Variants in NOBOX observed in about 807,000 individuals in gnomAD.
The protein encoded by NOBOX is homeobox protein NOBOX.
A neutral mutation model predicts 60.2 loss-of-function variants in NOBOX; 46 were observed. The observed-to-expected ratio is 0.76, with a 90% CI of 0.60 to 0.98. NOBOX has a LOEUF of 0.98. Ranked by LOEUF, NOBOX falls within the 50% of genes least tolerant of loss-of-function variation. NOBOX has a pLI of 0.00. For synonymous variants in NOBOX, 360 were observed against 346.3 expected, an observed-to-expected ratio of 1.04 and a Z score of -0.44; for missense variants, 880 against 865.5, an observed-to-expected ratio of 1.02 and a Z score of -0.21.
intron 8 of NOBOX, 40 bp from the exon 7 acceptor site, chr7:144,398,626 G>A (rs1433156645): frequency 2.8e-6 from 4 of 1,418,000 alleles, no homozygotes; most frequent in Admixed American, 3.9e-5. Context: ...TGCAGGGGTG[G>A]GGGAGCTCCC....
chr7:144,409,717 A>T (rs2054009058), intron 1 of NOBOX, among the ~76,000 whole-genome samples: 1 of 152,242 alleles, frequency 6.6e-6, no homozygotes, highest in African/African-American at 2.4e-5. Flanking sequence ...TAAAAAATAA[A>T]AACCTCTTCC....
chr7:144,397,420 G>A lies in NOBOX; in HGVS notation c.1896C>T (p.Pro632=), dbSNP rs1179791742. 3 of 1,537,252 alleles carry A rather than the reference G, an allele frequency of 2.0e-6. No individual in the cohort carries two copies. In the East Asian group the frequency reaches 7.3e-5, roughly 38 times the overall value. ...GCTGCCTGCCCAGAGCCTGGGGGCA[G>A]GGAGTTGGAAATAGATCAGGAAAGT... The change falls in exon 10 of 10, where the codon CCC becomes CCT. Residue 632 remains proline (P), a synonymous_variant. Transcript: ENST00000467773.
rs1587092663 is a variant in NOBOX at position 144,401,658 on chromosome 7, G to C, written c.293-61C>G. On this transcript the variant is annotated intron_variant, in intron 3 of 9. Transcript: ENST00000467773. The surrounding 1 kb of genome is among the most constrained non-coding windows in gnomAD (Gnocchi z 4.2). ...GGGAGAAGGAAGAACTGGACCAAGA[G>C]GAAGTGCTGCTTCCTGCTTTGCAAA... 2.1e-6 allele frequency: 3 copies of C among 1,457,432 alleles called. No homozygotes were observed. The highest frequency in any genetic ancestry group is 2.7e-6 in the Non-Finnish European group (3 of 1,098,040). 90.3% of individuals were successfully genotyped at this position (1,457,432 alleles called of 1,614,324 possible). A position where few individuals can be genotyped will look rare whatever the true frequency, so the allele number is the denominator to read the frequency against.
chr7:144,403,048 C>T (rs1034989456), intron 2 of NOBOX, among the ~76,000 whole-genome samples: 3 of 152,094 alleles, frequency 2.0e-5, no homozygotes, highest in Admixed American at 6.5e-5. Context: ...TGAGCCACTG[C>T]GCCTGACCCT....
rs923573920 is a variant in NOBOX at position 144,397,267 on chromosome 7, C to G, written c.2049G>C (p.Gly683=). Residue 683 remains glycine (G), a synonymous_variant, in exon 10 of 10, where the codon GGG becomes GGC. Transcript: ENST00000467773. ...AGGGGACATGGCTATTCTTGTCATC[C>G]CCTCTGGCCTCCTCCAGTGCTGAGG... 9 of 1,533,606 alleles carry G rather than the reference C, an allele frequency of 5.9e-6. No individual in the cohort carries two copies. Among genetic ancestry groups the G allele is most frequent in the African/African-American group, 5.5e-5 (4 of 72,964 alleles). The allele number at this position is 1,533,606 out of a possible 1,614,324, so 95.0% of individuals were successfully genotyped here. A position where few individuals can be genotyped will look rare whatever the true frequency, so the allele number is the denominator to read the frequency against.
intron 1 of NOBOX, among the ~76,000 whole-genome samples, chr7:144,406,279 G>A (rs755946727): frequency 2.0e-5 from 3 of 152,024 alleles, no homozygotes; most frequent in East Asian, 1.9e-4. Context: ...TTTTTCCAGC[G>A]GGGCACAGTG....
chr7:144,406,806 A>G (rs1168941197), intron 1 of NOBOX, among the ~76,000 whole-genome samples: 3 of 152,140 alleles, frequency 2.0e-5, no homozygotes, highest in Admixed American at 1.3e-4. Flanking sequence ...GAGGTTTGCT[A>G]TGGAAGTTAA....
chr7:144,401,191 C>A lies in NOBOX; in HGVS notation c.699G>T (p.Val233=), dbSNP rs775645061. Residue 233 remains valine, a synonymous_variant, in exon 4 of 10, where the codon GTG becomes GTT. Coordinates refer to ENST00000467773, the MANE Select transcript of NOBOX (RefSeq NM_001080413.3). The surrounding 1 kb of genome is among the most constrained non-coding windows in gnomAD (Gnocchi z 4.2). Reference sequence around the variant, plus strand: ...AGGGCCCCCGGCCTGACCCACAGGGCACTGGGTTGTGTGTGGCACGGGCTG... The same window carrying A: ...AGGGCCCCCGGCCTGACCCACAGGGAACTGGGTTGTGTGTGGCACGGGCTG... 3.2e-5 allele frequency: 51 copies of A among 1,613,544 alleles called. No homozygotes were observed. The highest frequency in any genetic ancestry group is 4.0e-5 in the Non-Finnish European group (47 of 1,179,750).
chr7:144,404,002 C>T (rs1011276117), intron 2 of NOBOX, among the ~76,000 whole-genome samples: 2 of 151,888 alleles, frequency 1.3e-5, no homozygotes, highest in African/African-American at 4.8e-5. Context: ...GGCTGGAGGG[C>T]GAGGCTGGGG....
Position 144,398,932 on chromosome 7 carries a change from C to A in NOBOX, c.1469+18G>T. The A allele has an allele frequency of 7.1e-7, 1 of 1,409,004 alleles. No homozygotes were observed. Among genetic ancestry groups the A allele is most frequent in the Non-Finnish European group, 9.8e-7 (1 of 1,016,612 alleles). The allele number at this position is 1,409,004 out of a possible 1,614,324, so 87.3% of individuals were successfully genotyped here. On this transcript the variant is annotated intron_variant, in intron 8 of 9. Transcript: ENST00000467773. ...CCACCCAGATAACTAGAGTGACCTA[C>A]CCCCGTAGGTTCCTTACCTTGTCCC...
chr7:144,403,762 G>T (rs2053961491), intron 2 of NOBOX, 69 bp from the exon 1 acceptor site: 2 of 643,964 alleles, frequency 3.1e-6, no homozygotes, highest in South Asian at 1.6e-5. Flanking sequence ...CTCGCCGGGC[G>T]GGCAGGTGTG....
At position 144,398,399 on chromosome 7, in the gene NOBOX, G is replaced by A; in HGVS notation, c.1657C>T (p.Pro553Ser). The A allele has an allele frequency of 6.5e-7, 1 of 1,537,276 alleles. No homozygotes were observed. Among genetic ancestry groups the A allele is most frequent in the Non-Finnish European group, 8.7e-7 (1 of 1,146,904 alleles). Residue 553 changes from proline (P) to serine (S), a missense_variant, in exon 9 of 10, where the codon CCG becomes TCG. Coordinates refer to ENST00000467773, the MANE Select transcript of NOBOX (RefSeq NM_001080413.3). ...AACATAAAGAGAGAGTCTTCGGGCGGTGGAAGCGTCAGTGAACTGGGCATG... is the reference window on the plus strand; with the variant it reads ...AACATAAAGAGAGAGTCTTCGGGCGATGGAAGCGTCAGTGAACTGGGCATG...
At chr7:144,403,410 C>T (rs1003340341) in intron 2 of NOBOX, among the ~76,000 whole-genome samples, 1 of 152,052 alleles carries the variant, frequency 6.6e-6, no homozygotes, top group Admixed American at 6.5e-5. Context: ...CCAGGGTTCT[C>T]TCCCCTGCGC....
At position 144,399,182 on chromosome 7, in the gene NOBOX, G is replaced by T; in HGVS notation, c.1241-4C>A. The T allele has an allele frequency of 6.8e-7, 1 of 1,461,354 alleles. No individual in the cohort carries two copies. Among genetic ancestry groups the T allele is most frequent in the South Asian group, 1.2e-5 (1 of 80,204 alleles). 90.5% of individuals were successfully genotyped at this position (1,461,354 alleles called of 1,614,324 possible). A position where few individuals can be genotyped will look rare whatever the true frequency, so the allele number is the denominator to read the frequency against. On this transcript the variant is annotated splice_region_variant and splice_polypyrimidine_tract_variant and intron_variant, in intron 7 of 9. Coordinates refer to ENST00000467773, the MANE Select transcript of NOBOX (RefSeq NM_001080413.3). ...GAAGTCAGCAGCATGGGGGGCTCTA[G>T]GAACAGAAGGCAAAGAGGTGCTATA...
chr7:144,401,145 TGAG>T lies in NOBOX; in HGVS notation c.742_744del (p.Leu248del). On this transcript the variant is annotated inframe_deletion, in exon 4 of 10. Coordinates refer to ENST00000467773, the MANE Select transcript of NOBOX (RefSeq NM_001080413.3). The surrounding 1 kb of genome is among the most constrained non-coding windows in gnomAD (Gnocchi z 4.2). ...TTTTGGTTGCTCTGCGCCAATGTAC[TGAG>T]GAGATTGGCCAGGTGGCAGGGCCCC... 6.2e-7 allele frequency: 1 copy of T among 1,609,766 alleles called. No homozygotes were observed. The highest frequency in any genetic ancestry group is 8.5e-7 in the Non-Finnish European group (1 of 1,177,568).
rs1179235000 is a variant in NOBOX, at chr7:144,404,677, G to C, written c.89C>G (p.Pro30Arg). ...AGGAAATTCAGGTACAGCCAGGGGC[G>C]GCCCTGCCAGGGACGGTGTGGTTAC... The change falls in exon 2 of 10, where the codon CCG becomes CGG. Residue 30 changes from proline (P) to arginine (R), a missense_variant. Pro to Arg is a moderately radical substitution (Grantham distance 103). Coordinates refer to ENST00000467773, the MANE Select transcript of NOBOX (RefSeq NM_001080413.3). 6.2e-7 allele frequency: 1 copy of C among 1,613,640 alleles called. No individual in the cohort carries two copies. Among genetic ancestry groups the C allele is most frequent in the East Asian group, 2.2e-5 (1 of 44,882 alleles).
Position 144,401,199 on chromosome 7 carries a change from TGTG to T in NOBOX, c.688_690del (p.His230del). The T allele has an allele frequency of 6.2e-7, 1 of 1,613,736 alleles. No individual in the cohort carries two copies. Among genetic ancestry groups the T allele is most frequent in the Non-Finnish European group, 8.5e-7 (1 of 1,179,794 alleles). On this transcript the variant is annotated inframe_deletion, in exon 4 of 10. Transcript: ENST00000467773. The surrounding 1 kb of genome is among the most constrained non-coding windows in gnomAD (Gnocchi z 4.2). ...CGGCCTGACCCACAGGGCACTGGGTTGTGTGTGGCACGGGCTGAGTTAGGGGCA... is the reference window on the plus strand; with the variant it reads ...CGGCCTGACCCACAGGGCACTGGGTTTGTGGCACGGGCTGAGTTAGGGGCA...
Position 144,400,220 on chromosome 7 carries a change from G to A in NOBOX, c.937C>T (p.Pro313Ser), listed in dbSNP as rs1234727163. Reference sequence around the variant, plus strand: ...GCCCCCTTTACCATGATGCGCTGGGGGGTCACCCCCACCGTCTGGGCAATC... The same window carrying A: ...GCCCCCTTTACCATGATGCGCTGGGAGGTCACCCCCACCGTCTGGGCAATC... Residue 313 changes from proline (P) to serine (S), a missense_variant, in exon 5 of 10, where the codon CCC becomes TCC. By Grantham distance (74) the Pro-to-Ser change is moderately conservative. Coordinates refer to ENST00000467773, the MANE Select transcript of NOBOX (RefSeq NM_001080413.3). The A allele has an allele frequency of 6.2e-7, 1 of 1,614,042 alleles. No individual in the cohort carries two copies. The highest frequency in any genetic ancestry group is 1.1e-5 in the South Asian group (1 of 91,082).
rs758329925 is a variant in NOBOX at position 144,400,127 on chromosome 7, G to A, written c.1030C>T (p.Arg344Cys). 3 of 1,613,010 alleles carry A rather than the reference G, an allele frequency of 1.9e-6. No individual in the cohort carries two copies. Among genetic ancestry groups the A allele is most frequent in the Non-Finnish European group, 2.5e-6 (3 of 1,179,854 alleles). Reference sequence around the variant, plus strand: ...GCTCCTACCCAGGCTACCGCTGAGCGCTCACTCTGCAATTCGAGTGTTTCA... The same window carrying A: ...GCTCCTACCCAGGCTACCGCTGAGCACTCACTCTGCAATTCGAGTGTTTCA... Residue 344 changes from arginine to cysteine, a missense_variant, in exon 5 of 10, where the codon CGC becomes TGC. Coordinates refer to ENST00000467773, the MANE Select transcript of NOBOX (RefSeq NM_001080413.3).
Sources: gnomAD v4.1 joint callset for allele counts (sites outside exome capture counted in the v4.1 genomes callset) on GRCh38, gnomAD v4.1.1 for gene constraint, Gnocchi (gnomAD v3.1) non-coding constraint, MANE v1.5 for transcripts, NCBI Gene and HGNC (gene_info 2026-07-23, HGNC 2026-07-21) for gene names.